The following NMT1 variants were observed in gnomAD, a reference collection of about 807,000 sequenced individuals.
NMT1 encodes the protein glycylpeptide N-tetradecanoyltransferase 1.
Under a neutral mutation model 63.4 loss-of-function variants are expected in NMT1, and 12 were observed. That is an observed-to-expected ratio of 0.19 (90% confidence interval 0.12 to 0.31). The LOEUF is 0.31. NMT1 is among the 10% of genes least tolerant of loss of function. The pLI, the probability that NMT1 is intolerant of heterozygous loss-of-function variation, is 1.00. For synonymous variants in NMT1, 228 were observed against 234.3 expected (o/e 0.97, Z 0.25); for missense variants, 432 against 634.6 (o/e 0.68, Z 3.43).
chr17:45,097,927 C>T (rs2054137006), intron 6 of NMT1, among the ~76,000 whole-genome samples: 1 of 152,198 alleles, frequency 6.6e-6, no homozygotes, highest in African/African-American at 2.4e-5. Context: ...GGCCTGTGAT[C>T]TCTGCTCTTC....
chr17:45,093,893 C>G (rs1488941796), intron 4 of NMT1, 90 bp downstream of exon 4: 3 of 1,058,834 alleles, frequency 2.8e-6, no homozygotes, highest in Non-Finnish European at 4.3e-6. Context: ...TTTACTCGAG[C>G]CCTAGAGAGC....
intron 1 of NMT1, among the ~76,000 whole-genome samples, chr17:45,074,583 A>G (rs1299843783): frequency 6.6e-6 from 1 of 151,978 alleles, no homozygotes; most frequent in African/African-American, 2.4e-5. Flanking sequence ...TTCACCCTGT[A>G]TTTGCTAGGT....
At chr17:45,097,282 G>A (rs748003438) in intron 6 of NMT1, 38 bp downstream of exon 6, 25 of 1,425,938 alleles carry the variant, frequency 1.8e-5, no homozygotes, top group East Asian at 9.1e-5. Context: ...CCACAACACC[G>A]CCATCCTGCT....
chr17:45,105,064 G>A lies in NMT1; in HGVS notation c.1470+68G>A. On this transcript the variant is annotated intron_variant, in intron 11 of 11. Coordinates refer to ENST00000258960, the MANE Select transcript of NMT1 (RefSeq NM_021079.5). The surrounding 1 kb of genome is among the most constrained non-coding windows in gnomAD (Gnocchi z 4.2). ...TGTCCATGTCTCCAGCAGAAACCGG[G>A]CCATGGGTTGAGGAGACAGCCGCAG... 1.2e-6 allele frequency: 2 copies of A among 1,600,828 alleles called. No individual in the cohort carries two copies. The highest frequency in any genetic ancestry group is 1.7e-6 in the Non-Finnish European group (2 of 1,172,124).
At chr17:45,071,426 G>A (rs904008211) in intron 1 of NMT1, 1 of 152,164 alleles carries the variant, frequency 6.6e-6, no homozygotes, top group African/African-American at 2.4e-5. Flanking sequence ...TTTTTCAGAG[G>A]TAGAAAACAA....
At chr17:45,079,212 C>T (rs990543749) in intron 1 of NMT1, among the ~76,000 whole-genome samples, 1 of 151,604 alleles carries the variant, frequency 6.6e-6, no homozygotes, top group African/African-American at 2.4e-5. Context: ...TCAAGCAGTT[C>T]TCCTGCCTCA....
intron 3 of NMT1, among the ~76,000 whole-genome samples, chr17:45,092,727 GAAAAGA>G (rs1242204128): frequency 3.7e-4 from 54 of 147,572 alleles, no homozygotes; most frequent in African/African-American, 1.1e-3. Context: ...AAAAAGAAAA[GAAAAGA>G]AAAAAAAAAT....
At chr17:45,083,069 C>T (rs1814730663) in intron 2 of NMT1, among the ~76,000 whole-genome samples, 1 of 151,574 alleles carries the variant, frequency 6.6e-6, no homozygotes, top group South Asian at 2.1e-4. Context: ...GTAATCTCAG[C>T]ACTTTGGGAG....
intron 1 of NMT1, among the ~76,000 whole-genome samples, chr17:45,065,420 C>T (rs919548050): frequency 2.0e-5 from 3 of 151,944 alleles, no homozygotes; most frequent in African/African-American, 2.4e-5. Flanking sequence ...GTCAGGAGAT[C>T]GAGACCATCC....
At chr17:45,069,273 A>ATTATTTATTTAT (rs1555604551) in intron 1 of NMT1, among the ~76,000 whole-genome samples, 14,623 of 137,482 alleles carry the variant, frequency 0.11, 941 homozygotes, top group Middle Eastern at 0.17. Context: ...TTTATTTTTT[A>ATTATTTATTTAT]TTATTTATTT....
At chr17:45,100,486 T>C (rs2054154495) in intron 8 of NMT1, among the ~76,000 whole-genome samples, 1 of 151,296 alleles carries the variant, frequency 6.6e-6, no homozygotes, top group Non-Finnish European at 1.5e-5. Context: ...GAGAATGGCA[T>C]GGACCCGGGA....
At chr17:45,065,197 A>G (rs2053893874) in intron 1 of NMT1, among the ~76,000 whole-genome samples, 1 of 152,176 alleles carries the variant, frequency 6.6e-6, no homozygotes, top group Non-Finnish European at 1.5e-5. Flanking sequence ...AATGGCAGAT[A>G]TTAAAGTGCC....
At chr17:45,097,725 A>G (rs1038510381) in intron 6 of NMT1, among the ~76,000 whole-genome samples, 2 of 152,054 alleles carry the variant, frequency 1.3e-5, no homozygotes, top group Non-Finnish European at 2.9e-5. Flanking sequence ...GTTCACTGCA[A>G]GCTCCACCTC....
chr17:45,077,989 T>C (rs1451871964), intron 1 of NMT1, among the ~76,000 whole-genome samples: 1 of 152,170 alleles, frequency 6.6e-6, no homozygotes, highest in African/African-American at 2.4e-5. Context: ...CTCATTAATA[T>C]CATACCAAGT....
intron 5 of NMT1, 95 bp from the exon 6 acceptor site, chr17:45,097,033 T>C: frequency 1.2e-6 from 1 of 846,652 alleles, no homozygotes; most frequent in Non-Finnish European, 2.0e-6. Context: ...AGGGAGGTGG[T>C]AGCACCAGGT....
chr17:45,073,148 C>T (rs1216107272), intron 1 of NMT1, among the ~76,000 whole-genome samples: 3 of 152,036 alleles, frequency 2.0e-5, no homozygotes, highest in East Asian at 1.9e-4. Flanking sequence ...TCTGGCCGGG[C>T]GCGGTGGCTC....
At position 45,085,072 on chromosome 17, in the gene NMT1, A is replaced by AC. The variant is rs540857158; in HGVS notation, c.241-1432dup. ...AGGCCAGCCCAGGCAACATAGTGAG[A>AC]CCCCGTCTCGACAAAAAAACAAACA... On this transcript the variant is annotated intron_variant, in intron 2 of 11. Transcript: ENST00000258960. Among the ~76,000 whole-genome samples the AC allele has an allele frequency of 1.7e-3, 264 of 151,518 alleles. 1 individual carries two copies. Among genetic ancestry groups the AC allele is most frequent in the African/African-American group, 6.3e-3 (261 of 41,294 alleles).
chr17:45,080,183 G>A (rs1206190279), intron 1 of NMT1, among the ~76,000 whole-genome samples: 13 of 150,068 alleles, frequency 8.7e-5, no homozygotes, highest in Non-Finnish European at 1.9e-4. Context: ...TTTTTGAGAC[G>A]GAGTTTCGCT....
chr17:45,080,098 T>G (rs1315863222), intron 1 of NMT1, among the ~76,000 whole-genome samples: 3 of 152,174 alleles, frequency 2.0e-5, no homozygotes, highest in Admixed American at 6.6e-5. Flanking sequence ...TGGTGATCCC[T>G]CAGTCTGAGC....
Sources: gnomAD v4.1 joint callset for allele counts (sites outside exome capture counted in the v4.1 genomes callset) on GRCh38, gnomAD v4.1.1 for gene constraint, Gnocchi (gnomAD v3.1) non-coding constraint, MANE v1.5 for transcripts, NCBI Gene and HGNC (gene_info 2026-07-23, HGNC 2026-07-21) for gene names.